QTMAN: variants seen among roughly 807,000 people sequenced by gnomAD.
The protein encoded by QTMAN is tRNA-queuosine alpha-mannosyltransferase.
At chr2:144,007,394 C>T in the QTMAN span, 1 of 1,613,340 alleles carries the variant, frequency 6.2e-7, no homozygotes, top group Middle Eastern at 1.7e-4. Flanking sequence ...GTGTATCACA[C>T]TCTGAATTAA....
chr2:144,301,809 C>T, the QTMAN span, among the ~76,000 whole-genome samples: 1 of 152,208 alleles, frequency 6.6e-6, no homozygotes, highest in Admixed American at 6.5e-5. Context: ...AAGGCCACTG[C>T]CACTCCTCCA....
chr2:144,309,304 C>T, the QTMAN span, among the ~76,000 whole-genome samples: 1 of 152,122 alleles, frequency 6.6e-6, no homozygotes, highest in Non-Finnish European at 1.5e-5. Context: ...TCCACAAAGG[C>T]TCGCACCTTG....
chr2:144,171,810 C>T, the QTMAN span, among the ~76,000 whole-genome samples: 12 of 151,968 alleles, frequency 7.9e-5, no homozygotes, highest in Non-Finnish European at 1.6e-4. Flanking sequence ...TGGAACGAAG[C>T]CATTAGACTA....
At chr2:144,228,242 CGTT>C in the QTMAN span, among the ~76,000 whole-genome samples, 1 of 151,998 alleles carries the variant, frequency 6.6e-6, no homozygotes, top group East Asian at 1.9e-4. Context: ...GCATTTTTAC[CGTT>C]AAAACAGAGA....
the QTMAN span, among the ~76,000 whole-genome samples, chr2:143,956,242 T>G: frequency 6.6e-6 from 1 of 152,206 alleles, no homozygotes; most frequent in Non-Finnish European, 1.5e-5. Flanking sequence ...CTGACAAGAT[T>G]CTAACAATTT....
At chr2:143,998,442 A>G in the QTMAN span, among the ~76,000 whole-genome samples, 186 of 139,960 alleles carry the variant, frequency 1.3e-3, 1 homozygote, top group South Asian at 7.2e-3. Flanking sequence ...AAGGGGGGGG[A>G]AAGCTTACAT....
At chr2:144,037,040 T>A in the QTMAN span, among the ~76,000 whole-genome samples, 1 of 152,186 alleles carries the variant, frequency 6.6e-6, no homozygotes, top group Non-Finnish European at 1.5e-5. Context: ...TATTTTATGA[T>A]TCAATTTATA....
At chr2:144,090,360 C>A in the QTMAN span, among the ~76,000 whole-genome samples, 1 of 151,848 alleles carries the variant, frequency 6.6e-6, no homozygotes, top group African/African-American at 2.4e-5. Flanking sequence ...AGAGGAATTA[C>A]CCCATGTAAT....
At chr2:144,281,106 G>A in the QTMAN span, among the ~76,000 whole-genome samples, 1 of 132,576 alleles carries the variant, frequency 7.5e-6, no homozygotes, top group African/African-American at 2.9e-5. Flanking sequence ...CCCTTCCTGT[G>A]TCCATGTGTT....
At chr2:144,268,074 T>C in the QTMAN span, among the ~76,000 whole-genome samples, 5 of 152,266 alleles carry the variant, frequency 3.3e-5, no homozygotes, top group East Asian at 3.9e-4. Context: ...TGGGAGGAGT[T>C]TGGATCAGGA....
At chr2:144,014,629 G>A in the QTMAN span, among the ~76,000 whole-genome samples, 2 of 152,192 alleles carry the variant, frequency 1.3e-5, no homozygotes, top group East Asian at 1.9e-4. Context: ...CTGGTCCCAG[G>A]GATATGACAC....
chr2:144,132,339 T>G, the QTMAN span, among the ~76,000 whole-genome samples: 1 of 152,068 alleles, frequency 6.6e-6, no homozygotes, highest in East Asian at 1.9e-4. Context: ...AATGAGCCAC[T>G]CTGGCTAAGA....
At chr2:144,130,691 C>T in the QTMAN span, among the ~76,000 whole-genome samples, 4 of 151,846 alleles carry the variant, frequency 2.6e-5, no homozygotes, top group Non-Finnish European at 5.9e-5. Context: ...AACAATGTAA[C>T]ATGACTGAAA....
At chr2:143,939,189 G>T in the QTMAN span, 1 of 152,200 alleles carries the variant, frequency 6.6e-6, no homozygotes, top group Non-Finnish European at 1.5e-5. Context: ...GAGCAGATTA[G>T]GAGTTTTTCT....
chr2:144,280,358 G>A, the QTMAN span, among the ~76,000 whole-genome samples: 7 of 152,088 alleles, frequency 4.6e-5, no homozygotes, highest in East Asian at 1.9e-4. Context: ...CATGTGCTGC[G>A]TTACAGAAAA....
chr2:144,107,621 C>G, the QTMAN span, among the ~76,000 whole-genome samples: 1 of 152,082 alleles, frequency 6.6e-6, no homozygotes, highest in South Asian at 2.1e-4. Flanking sequence ...CATAGCTTAC[C>G]AACCCAAAAA....
the QTMAN span, among the ~76,000 whole-genome samples, chr2:144,111,633 C>T: frequency 1.5e-4 from 23 of 152,254 alleles, no homozygotes; most frequent in South Asian, 1.5e-3. Context: ...CCTACATCTC[C>T]GGAAGCTGGT....
At chr2:144,254,478 A>G in the QTMAN span, among the ~76,000 whole-genome samples, 1 of 152,186 alleles carries the variant, frequency 6.6e-6, no homozygotes, top group Non-Finnish European at 1.5e-5. Flanking sequence ...ACCTCCACCT[A>G]TATTTCAGAA....
At chr2:143,997,488 C>T in the QTMAN span, among the ~76,000 whole-genome samples, 1 of 152,090 alleles carries the variant, frequency 6.6e-6, no homozygotes, top group Non-Finnish European at 1.5e-5. Flanking sequence ...TGTCTCTCAG[C>T]TCTGATGGGC....
Sources: gnomAD v4.1 joint callset for allele counts (sites outside exome capture counted in the v4.1 genomes callset) on GRCh38, gnomAD v4.1.1 for gene constraint, MANE v1.5 for transcripts, NCBI Gene and HGNC (gene_info 2026-07-23, HGNC 2026-07-21) for gene names.